The following SEMA7A variants were observed in gnomAD, a reference collection of about 807,000 sequenced individuals.
SEMA7A encodes the protein semaphorin 7A (JohnMiltonHagen blood group), also known as semaphorin-7A.
Under a neutral mutation model 67.5 loss-of-function variants are expected in SEMA7A, and 21 were observed. The ratio of observed to expected loss-of-function variants is 0.31; its 90% CI spans 0.22 to 0.45. The LOEUF (loss-of-function observed/expected upper bound fraction) is 0.45, where lower values mean the gene tolerates loss of function less well. Among genes scored for constraint, SEMA7A ranks in the 20% least tolerant of loss-of-function variants. SEMA7A has a pLI of 1.00. For synonymous variants in SEMA7A, 364 were observed against 368.5 expected, an observed-to-expected ratio of 0.99 and a Z score of 0.14; for missense variants, 774 against 908.6, an observed-to-expected ratio of 0.85 and a Z score of 1.90.
rs1301045069 is a variant in SEMA7A, at chr15:74,433,518, C to A, written c.178+223G>T. On this transcript the variant is annotated intron_variant, in intron 1 of 13. Coordinates refer to ENST00000261918, the MANE Select transcript of SEMA7A (RefSeq NM_003612.5). The stretch of plus-strand genomic sequence containing the variant: ...TGGTGCGACTTAGCCGGGGCTCCGG[C>A]CCCCGCCGCTCGCTCGCCGCAGCGT... The A allele has an allele frequency of 3.4e-6, 4 of 1,185,982 alleles. No homozygotes were observed. In the African/African-American group the frequency reaches 4.8e-5, roughly 14 times the overall value. 73.5% of individuals were successfully genotyped at this position (1,185,982 alleles called of 1,614,324 possible). A position where few individuals can be genotyped will look rare whatever the true frequency, so the allele number is the denominator to read the frequency against.
At chr15:74,431,653 C>T (rs1567080499) in intron 1 of SEMA7A, among the ~76,000 whole-genome samples, 1 of 152,254 alleles carries the variant, frequency 6.6e-6, no homozygotes, top group Non-Finnish European at 1.5e-5. Context: ...TACCCTGTTC[C>T]TGGGTTTGTC....
rs1372256468 is a variant in SEMA7A, at chr15:74,418,300, C to T, written c.340G>A (p.Gly114Ser). Reference protein sequence around the residue: ...KNASVRTVNIGSTKGSCLDKR... With the variant: ...KNASVRTVNISSTKGSCLDKR... ...TCCAGACAGGACCCCTTTGTGGAGC[C>T]GATATTCACCTGGGGGAAGGGGAGA... The change falls in exon 3 of 14, where the codon GGC (glycine) becomes AGC (serine). Residue 114 changes from glycine to serine, a missense_variant. Gly to Ser is a moderately conservative substitution (Grantham distance 56). This residue lies in a region of SEMA7A where 347 missense variants were observed against 353.2 expected (regional missense o/e 0.98). Transcript: ENST00000261918. The T allele has an allele frequency of 2.8e-5, 45 of 1,611,270 alleles. No homozygotes were observed. The highest frequency in any genetic ancestry group is 3.7e-5 in the Non-Finnish European group (44 of 1,179,230).
chr15:74,416,858 A>G (rs2060953318), intron 6 of SEMA7A, 144 bp from the exon 7 acceptor site: 1 of 900,274 alleles, frequency 1.1e-6, no homozygotes, highest in African/African-American at 1.7e-5. Context: ...CATCAGGTCC[A>G]ACTCCCCGAG....
intron 1 of SEMA7A, among the ~76,000 whole-genome samples, chr15:74,426,876 C>T (rs2061048145): frequency 6.6e-6 from 1 of 152,172 alleles, no homozygotes. Context: ...AAACACTCAC[C>T]TCCACTCCTC....
At position 74,423,538 on chromosome 15, in the gene SEMA7A, G is replaced by A. The variant is rs145225491; in HGVS notation, c.179-4586C>T. Among the ~76,000 whole-genome samples, 699 of 152,172 alleles carry A rather than the reference G, an allele frequency of 4.6e-3. 3 individuals are homozygous for A. The highest frequency in any genetic ancestry group is 8.2e-3 in the Admixed American group (126 of 15,290). ...GAGAGCCTCTGATTTGCAAAAAGCT[G>A]TATATTCAGCCTCTCCCTACTTCCC... is the stretch of plus-strand genomic sequence containing the variant. On this transcript the variant is annotated intron_variant, in intron 1 of 13. Coordinates refer to ENST00000261918, the MANE Select transcript of SEMA7A (RefSeq NM_003612.5). This position sits in a 1 kb window ranked among gnomAD's most constrained non-coding sequence, Gnocchi z 4.1.
chr15:74,431,390 G>T (rs979584975), intron 1 of SEMA7A, among the ~76,000 whole-genome samples: 1 of 152,220 alleles, frequency 6.6e-6, no homozygotes, highest in Non-Finnish European at 1.5e-5. Context: ...AGTGCAGGCT[G>T]GGCCCCTCTC....
chr15:74,418,020 T>TG, intron 3 of SEMA7A, 51 bp from the exon 4 acceptor site: 1 of 1,585,382 alleles, frequency 6.3e-7, no homozygotes, highest in Non-Finnish European at 8.6e-7. Context: ...TGGAAGGCCC[T>TG]GGCAAGCCTA....
At chr15:74,422,038 G>A (rs1178109954) in intron 1 of SEMA7A, among the ~76,000 whole-genome samples, 1 of 152,204 alleles carries the variant, frequency 6.6e-6, no homozygotes, top group Non-Finnish European at 1.5e-5. Flanking sequence ...AGGTGGGGAA[G>A]GTGGCTGTAT....
chr15:74,411,494 C>A lies in SEMA7A; in HGVS notation c.1577+62G>T, dbSNP rs377403660. 1.9e-6 allele frequency: 3 copies of A among 1,544,420 alleles called. No homozygotes were observed. Among genetic ancestry groups the A allele is most frequent in the Admixed American group, 3.9e-5 (2 of 51,652 alleles). ...AGTACCGCCACCTCCTCCAGCCCGACAACACCTCCCCCTCTCCCATGCCCA... is the reference window on the plus strand; with the variant it reads ...AGTACCGCCACCTCCTCCAGCCCGAAAACACCTCCCCCTCTCCCATGCCCA... On this transcript the variant is annotated intron_variant, in intron 12 of 13. Coordinates refer to ENST00000261918, the MANE Select transcript of SEMA7A (RefSeq NM_003612.5). The surrounding 1 kb of genome is among the most constrained non-coding windows in gnomAD (Gnocchi z 4.4).
rs758819092 is a variant in SEMA7A at position 74,415,876 on chromosome 15, T to C, written c.911A>G (p.Gln304Arg). 17 of 1,614,108 alleles carry C rather than the reference T, an allele frequency of 1.1e-5. No homozygotes were observed. The highest frequency in any genetic ancestry group is 1.4e-5 in the Non-Finnish European group (17 of 1,179,970). The change falls in exon 8 of 14, where the codon CAA (glutamine) becomes CGA (arginine). Residue 304 changes from glutamine (Q) to arginine (R), a missense_variant. By Grantham distance (43) the Gln-to-Arg change is conservative. Coordinates refer to ENST00000261918, the MANE Select transcript of SEMA7A (RefSeq NM_003612.5). The part of the protein sequence containing the change: ...AATNKNFNRL[Q>R]DVFLLPDPSG... ...GGGGTCAGGGAGCAGGAAGACGTCT[T>C]GCAGCCTGTTGAAGTTCTTGTTGGT...
At chr15:74,425,670 C>T (rs2061038614) in intron 1 of SEMA7A, among the ~76,000 whole-genome samples, 1 of 152,220 alleles carries the variant, frequency 6.6e-6, no homozygotes. Flanking sequence ...TGATGTTGCC[C>T]TGGCATCCGT....
chr15:74,426,493 C>T (rs555690777), intron 1 of SEMA7A, among the ~76,000 whole-genome samples: 1 of 152,290 alleles, frequency 6.6e-6, no homozygotes, highest in East Asian at 1.9e-4. Context: ...AAGAGGTGCT[C>T]TCCATCTTAA....
intron 1 of SEMA7A, among the ~76,000 whole-genome samples, chr15:74,421,756 G>A (rs149462234): frequency 9.8e-5 from 15 of 152,290 alleles, no homozygotes; most frequent in East Asian, 3.9e-4. Context: ...TGGCAGGAGC[G>A]GGGGCTGGGG....
chr15:74,418,309 C>T lies in SEMA7A; in HGVS notation c.331G>A (p.Val111Met). Residue 111 changes from valine to methionine, a missense_variant and splice_region_variant, in exon 3 of 14, where the codon GTG (valine) becomes ATG (methionine). Coordinates refer to ENST00000261918, the MANE Select transcript of SEMA7A (RefSeq NM_003612.5). ...GACCCCTTTGTGGAGCCGATATTCA[C>T]CTGGGGGAAGGGGAGAAGCATTAGT... ...PEGKNASVRT[V>M]NIGSTKGSCL... is the part of the protein sequence containing the mutation. The T allele has an allele frequency of 6.2e-7, 1 of 1,611,780 alleles. No homozygotes were observed. The highest frequency in any genetic ancestry group is 8.5e-7 in the Non-Finnish European group (1 of 1,179,348).
chr15:74,410,628 T>C lies in SEMA7A; in HGVS notation c.1997A>G (p.His666Arg). Residue 666 changes from histidine (H) to arginine (R), a missense_variant, in exon 14 of 14, where the codon CAC becomes CGC. By Grantham distance (29) the His-to-Arg change is conservative. This residue lies in a region of SEMA7A where 427 missense variants were observed against 555.4 expected (regional missense o/e 0.77). Coordinates refer to ENST00000261918, the MANE Select transcript of SEMA7A (RefSeq NM_003612.5). The surrounding 1 kb of genome is among the most constrained non-coding windows in gnomAD (Gnocchi z 7.5). ...CATGCCCAGCCTCGGGAGGCCCTAGTGGACCAGCAAGCCAAGAGTGAGTGT... is the reference window on the plus strand; with the variant it reads ...CATGCCCAGCCTCGGGAGGCCCTAGCGGACCAGCAAGCCAAGAGTGAGTGT... ...LPTLTLGLLV[H>R] The C allele has an allele frequency of 1.3e-6, 2 of 1,584,162 alleles. No individual in the cohort carries two copies. Among genetic ancestry groups the C allele is most frequent in the Non-Finnish European group, 1.7e-6 (2 of 1,161,594 alleles).
rs1292087847 is a variant in SEMA7A at position 74,418,947 on chromosome 15, C to A, written c.184G>T (p.Val62Leu). 1 of 1,613,238 alleles carries A rather than the reference C, an allele frequency of 6.2e-7. No homozygotes were observed. The change falls in exon 2 of 14, where the codon GTA (valine) becomes TTA (leucine). Residue 62 changes from valine (V) to leucine (L), a missense_variant. Transcript: ENST00000261918. ...CCAAAGTCCACCCGGTCCTGCCCTA[C>A]ATGGCCTGAGGAGGAGACAATTAGT... is the stretch of plus-strand genomic sequence containing the variant. Reference protein sequence around the residue: ...PRIFAVWKGHVGQDRVDFGQT... With the variant: ...PRIFAVWKGHLGQDRVDFGQT...
chr15:74,429,221 C>T (rs1040368933), intron 1 of SEMA7A, among the ~76,000 whole-genome samples: 5 of 152,192 alleles, frequency 3.3e-5, no homozygotes, highest in Non-Finnish European at 5.9e-5. Flanking sequence ...GTGACAGAGC[C>T]GTGTGAAGCT....
Position 74,411,460 on chromosome 15 carries a change from G to T in SEMA7A, c.1577+96C>A. Reference sequence around the variant, plus strand: ...TCCAGCAGAGAGGAGGGTCCCACAAGAAAGGCCCAGTACCGCCACCTCCTC... The same window carrying T: ...TCCAGCAGAGAGGAGGGTCCCACAATAAAGGCCCAGTACCGCCACCTCCTC... On this transcript the variant is annotated intron_variant, in intron 12 of 13. Transcript: ENST00000261918. This position sits in a 1 kb window ranked among gnomAD's most constrained non-coding sequence, Gnocchi z 4.4. 1 of 1,546,528 alleles carries T rather than the reference G, an allele frequency of 6.5e-7. No individual in the cohort carries two copies. Among genetic ancestry groups the T allele is most frequent in the Non-Finnish European group, 8.7e-7 (1 of 1,142,942 alleles).
intron 8 of SEMA7A, among the ~76,000 whole-genome samples, chr15:74,415,184 C>G (rs2060937677): frequency 6.6e-6 from 1 of 152,198 alleles, no homozygotes; most frequent in Admixed American, 6.5e-5. Flanking sequence ...CTACCCAACC[C>G]CAAGGCAGGA....
Sources: gnomAD v4.1 joint callset for allele counts (sites outside exome capture counted in the v4.1 genomes callset) on GRCh38, gnomAD v4.1.1 for gene constraint, gnomAD v4.1.1 regional missense constraint, Gnocchi (gnomAD v3.1) non-coding constraint, MANE v1.5 for transcripts, NCBI Gene and HGNC (gene_info 2026-07-23, HGNC 2026-07-21) for gene names.